CP: variants seen among roughly 807,000 people sequenced by gnomAD.
CP encodes the protein caeruloplasmin.
In CP, 64 loss-of-function variants were observed where a neutral mutation model predicts 122.4. The ratio of observed to expected loss-of-function variants is 0.52; its 90% CI spans 0.43 to 0.64. The LOEUF (loss-of-function observed/expected upper bound fraction) is 0.64. Ranked by LOEUF, CP falls within the 30% of genes least tolerant of loss-of-function variation. The pLI is 0.00. For missense variants in CP, 1,167 were observed against 1,284.4 expected (o/e 0.91, Z 1.40); for synonymous variants, 440 against 436.4 (o/e 1.01, Z -0.10).
In CP at chr3:149,167,234, G is replaced by A. The variant is rs551986971; in HGVS notation, c.587-1184C>T. ...ATGCTAATCATGAACTGAAAGAAGA[G>A]AACCGGGTATGCTTTTTCAGATTAT... is the stretch of plus-strand genomic sequence containing the variant. On this transcript the variant is annotated intron_variant, in intron 4 of 5. Coordinates refer to the CP transcript ENST00000479771. 29 of 1,611,300 alleles carry A rather than the reference G, an allele frequency of 1.8e-5. No individual in the cohort carries two copies. The South Asian group carries it at 3.2e-4, about 18-fold the overall frequency.
intron 12 of CP, among the ~76,000 whole-genome samples, chr3:149,184,028 CTTTTTTTTTTT>C (rs869206210): frequency 4.9e-4 from 31 of 63,564 alleles, no homozygotes; most frequent in Non-Finnish European, 7.5e-4. Flanking sequence ...TCACTTACTT[CTTTTTTTTTTT>C]TTTTTTTTTT....
At chr3:149,181,855 G>T in intron 14 of CP, 150 bp downstream of exon 14, 2 of 841,212 alleles carry the variant, frequency 2.4e-6, no homozygotes, top group Non-Finnish European at 3.9e-6. Flanking sequence ...GCATGTACTT[G>T]CATACACACA....
At chr3:149,167,891 A>G, downstream of CP, 1 of 1,567,428 alleles carries the variant, frequency 6.4e-7, no homozygotes, top group South Asian at 1.1e-5. Flanking sequence ...TTCCTAAGAT[A>G]GACTCTGTGG....
chr3:149,168,645 T>A (rs1559928356), downstream of CP, among the ~76,000 whole-genome samples: 1 of 152,132 alleles, frequency 6.6e-6, no homozygotes, highest in Non-Finnish European at 1.5e-5. Flanking sequence ...TAAGGCCGAG[T>A]CAGTGGCCAC....
intron 6 of CP, among the ~76,000 whole-genome samples, 158 bp from the exon 7 acceptor site, chr3:149,202,399 A>G (rs1455789525): frequency 1.3e-5 from 2 of 152,212 alleles, no homozygotes; most frequent in East Asian, 3.8e-4. Flanking sequence ...CAAACAAAGC[A>G]GACAGTTCCA....
chr3:149,163,205 G>A (rs1724062980), intron 5 of CP, among the ~76,000 whole-genome samples: 1 of 152,192 alleles, frequency 6.6e-6, no homozygotes, highest in South Asian at 2.1e-4. Flanking sequence ...TCATTAAGTG[G>A]AACATAAGAG....
chr3:149,198,693 A>G, intron 8 of CP, 115 bp from the exon 9 acceptor site: 1 of 868,422 alleles, frequency 1.2e-6, no homozygotes, highest in South Asian at 1.4e-5. Context: ...TTTGTTATAA[A>G]TTAGAATGGA....
chr3:149,170,801 C>T (rs149783065), downstream of CP, among the ~76,000 whole-genome samples: 1,161 of 152,188 alleles, frequency 7.6e-3, 14 homozygotes, highest in African/African-American at 0.026. Flanking sequence ...GGGCATGCAA[C>T]GATCACACAG....
intron 9 of CP, among the ~76,000 whole-genome samples, chr3:149,188,597 G>A (rs11317415): frequency 7.4e-6 from 1 of 135,974 alleles, no homozygotes; most frequent in Admixed American, 6.9e-5. Flanking sequence ...AAGAATTCCT[G>A]TAAGGCAGAG....
intron 17 of CP, 108 bp downstream of exon 17, chr3:149,177,732 G>A (rs1725508267): frequency 8.6e-7 from 1 of 1,165,500 alleles, no homozygotes; most frequent in Non-Finnish European, 1.3e-6. Context: ...AGCACCGGCT[G>A]TACTCTTTGC....
At chr3:149,185,145 T>C (rs1726070169) in intron 12 of CP, 94 bp downstream of exon 12, 2 of 1,196,912 alleles carry the variant, frequency 1.7e-6, no homozygotes, top group African/African-American at 1.5e-5. Flanking sequence ...AATGCAACTT[T>C]TTTTTTTTTC....
At position 149,210,312 on chromosome 3, in the gene CP, C is replaced by T. The variant is rs766925024; in HGVS notation, c.462G>A (p.Gln154=). The part of the protein sequence containing the change: ...RADDKVYPGE[Q]YTYMLLATEE... ...CAGTGGCAAGCAACATGTATGTATA[C>T]TGCTCTCCTGGATATACTTTGTCAT... is the stretch of plus-strand genomic sequence containing the variant. Residue 154 remains glutamine (Q), a synonymous_variant, in exon 3 of 19, where the codon CAG becomes CAA. Coordinates refer to ENST00000264613, the MANE Select transcript of CP (RefSeq NM_000096.4). 21 of 1,614,120 alleles carry T rather than the reference C, an allele frequency of 1.3e-5. No homozygotes were observed. In the South Asian group the frequency reaches 2.3e-4, roughly 18 times the overall value.
At chr3:149,215,204 A>G (rs1184103970) in intron 1 of CP, among the ~76,000 whole-genome samples, 1 of 152,228 alleles carries the variant, frequency 6.6e-6, no homozygotes, top group Non-Finnish European at 1.5e-5. Context: ...TCTGAATGTA[A>G]ATACACTTTG....
chr3:149,185,979 A>G (rs1035819819), intron 11 of CP: 1 of 174,680 alleles, frequency 5.7e-6, no homozygotes, highest in African/African-American at 2.4e-5. Context: ...TGATAAACCA[A>G]ATGAAGCCTG....
chr3:149,172,200 G>A, downstream of CP: 4 of 1,613,470 alleles, frequency 2.5e-6, no homozygotes, highest in South Asian at 2.2e-5. Context: ...CTCTATTGCA[G>A]TCGAAAGAAA....
intron 5 of CP, among the ~76,000 whole-genome samples, chr3:149,164,158 GTTTTGTTGT>G: frequency 6.6e-6 from 1 of 152,270 alleles, no homozygotes; most frequent in East Asian, 1.9e-4. Flanking sequence ...TGAGCGGCTG[GTTTTGTTGT>G]AGGTGGATGA....
chr3:149,194,197 C>CTT (rs149437340), intron 9 of CP, among the ~76,000 whole-genome samples: 4 of 146,136 alleles, frequency 2.7e-5, no homozygotes, highest in African/African-American at 1.0e-4. Flanking sequence ...AGTAGAAAAC[C>CTT]TTTTTTTTTT....
intron 8 of CP, among the ~76,000 whole-genome samples, chr3:149,199,206 G>A (rs886078912): frequency 6.6e-6 from 1 of 151,860 alleles, no homozygotes; most frequent in Non-Finnish European, 1.5e-5. Flanking sequence ...AATGCTAAGA[G>A]AACAAACTCC....
intron 10 of CP, 25 bp from the exon 11 acceptor site, chr3:149,186,757 T>C: frequency 6.2e-7 from 1 of 1,606,456 alleles, no homozygotes; most frequent in Non-Finnish European, 8.5e-7. Context: ...AAATAACATT[T>C]TGGAAGTGGT....
Sources: allele counts gnomAD v4.1 joint callset (sites outside exome capture counted in the v4.1 genomes callset), GRCh38; gene constraint gnomAD v4.1.1; transcripts MANE v1.5; gene names NCBI Gene and HGNC (gene_info 2026-07-23, HGNC 2026-07-21).